The following XKR4 variants were observed in gnomAD, a reference collection of about 807,000 sequenced individuals.
XKR4 encodes XK related 4.
In XKR4, 12 loss-of-function variants were observed where a neutral mutation model predicts 53.9. The observed-to-expected ratio is 0.22, with a 90% CI of 0.14 to 0.36. XKR4 has a LOEUF of 0.36. Ranked by LOEUF, XKR4 falls within the 10% of genes least tolerant of loss-of-function variation. The pLI is 1.00. For synonymous variants in XKR4, 354 were observed against 362.4 expected, an observed-to-expected ratio of 0.98 and a Z score of 0.26; for missense variants, 799 against 859.5, an observed-to-expected ratio of 0.93 and a Z score of 0.88.
chr8:55,525,668 C>A lies in XKR4; in HGVS notation c.*1441C>A, dbSNP rs919441633. On this transcript the variant is annotated 3_prime_UTR_variant, in exon 3 of 3. Coordinates refer to ENST00000327381, the MANE Select transcript of XKR4 (RefSeq NM_052898.2). ...CGTTGCATTAAAAGTGCCGGTCAAACTTTGATAGTATTTTTTTATAGTTGG... is the reference window on the plus strand; with the variant it reads ...CGTTGCATTAAAAGTGCCGGTCAAAATTTGATAGTATTTTTTTATAGTTGG... The A allele has an allele frequency of 6.6e-6, 1 of 152,510 alleles. No homozygotes were observed. The highest frequency in any genetic ancestry group is 2.4e-5 in the African/African-American group (1 of 41,404). 9.4% of individuals were successfully genotyped at this position (152,510 alleles called of 1,614,324 possible). A position where few individuals can be genotyped will look rare whatever the true frequency, so the allele number is the denominator to read the frequency against.
intron 2 of XKR4, among the ~76,000 whole-genome samples, chr8:55,424,905 G>A (rs1479403680): frequency 6.6e-6 from 1 of 152,152 alleles, no homozygotes; most frequent in Non-Finnish European, 1.5e-5. Flanking sequence ...TTGGCCTCTG[G>A]CATAGAGTTT....
At chr8:55,372,486 C>A (rs1027321048) in intron 2 of XKR4, among the ~76,000 whole-genome samples, 1 of 151,200 alleles carries the variant, frequency 6.6e-6, no homozygotes, top group Non-Finnish European at 1.5e-5. Flanking sequence ...AAAGGAAAGA[C>A]GGGTAAGGTC....
chr8:55,157,288 T>C (rs889151002), intron 1 of XKR4, among the ~76,000 whole-genome samples: 66 of 152,316 alleles, frequency 4.3e-4, no homozygotes, highest in African/African-American at 1.5e-3. Flanking sequence ...ATTGTAAAAT[T>C]GGAATAATGT....
chr8:55,246,228 G>T (rs1818284495), intron 1 of XKR4, among the ~76,000 whole-genome samples: 1 of 152,186 alleles, frequency 6.6e-6, no homozygotes, highest in Non-Finnish European at 1.5e-5. Context: ...AATCACAAGG[G>T]TCTGAAAGAG....
intron 1 of XKR4, among the ~76,000 whole-genome samples, chr8:55,155,099 T>C (rs1459627447): frequency 6.6e-6 from 1 of 152,138 alleles, no homozygotes; most frequent in Non-Finnish European, 1.5e-5. Flanking sequence ...TCTAGAGAAA[T>C]TGATTCAGAG....
chr8:55,373,139 A>G (rs1274585041), intron 2 of XKR4, among the ~76,000 whole-genome samples: 2 of 152,170 alleles, frequency 1.3e-5, no homozygotes, highest in African/African-American at 4.8e-5. Context: ...CAGAGACTAC[A>G]AGACTAACAA....
At chr8:55,308,427 T>A (rs968727137) in intron 1 of XKR4, among the ~76,000 whole-genome samples, 3 of 147,042 alleles carry the variant, frequency 2.0e-5, no homozygotes, top group African/African-American at 7.5e-5. Context: ...GGAGAGAGAG[T>A]GTGTGTGAAG....
At chr8:55,223,284 T>C (rs1817907980) in intron 1 of XKR4, among the ~76,000 whole-genome samples, 3 of 152,236 alleles carry the variant, frequency 2.0e-5, no homozygotes, top group Admixed American at 2.0e-4. Flanking sequence ...GATCTATAGA[T>C]GCCTCCCATG....
At position 55,103,177 on chromosome 8, in the gene XKR4, G is replaced by T; in HGVS notation, c.689G>T (p.Gly230Val). The T allele has an allele frequency of 6.2e-7, 1 of 1,614,026 alleles. No homozygotes were observed. The highest frequency in any genetic ancestry group is 8.5e-7 in the Non-Finnish European group (1 of 1,180,040). ...SKSNIAAANSGSNSSGATRAS... is the reference protein window; with the variant it reads ...SKSNIAAANSVSNSSGATRAS... ...AGCAACATCGCCGCGGCCAACAGCGGCAGCAACAGCAGCGGGGCTACCCGG... is the reference window on the plus strand; with the variant it reads ...AGCAACATCGCCGCGGCCAACAGCGTCAGCAACAGCAGCGGGGCTACCCGG... Residue 230 changes from glycine (G) to valine (V), a missense_variant, in exon 1 of 3, where the codon GGC becomes GTC. Gly to Val is a moderately radical substitution (Grantham distance 109). This residue lies in a region of XKR4 where 476 missense variants were observed against 505.4 expected (regional missense o/e 0.94). Coordinates refer to ENST00000327381, the MANE Select transcript of XKR4 (RefSeq NM_052898.2).
At chr8:55,141,657 C>G (rs930979190) in intron 1 of XKR4, among the ~76,000 whole-genome samples, 1 of 147,350 alleles carries the variant, frequency 6.8e-6, no homozygotes, top group African/African-American at 2.5e-5. Flanking sequence ...CTCTCTCTCT[C>G]TCTCTCTCTC....
chr8:55,325,319 G>T (rs1165391694), intron 1 of XKR4, among the ~76,000 whole-genome samples: 2 of 152,024 alleles, frequency 1.3e-5, no homozygotes, highest in Non-Finnish European at 2.9e-5. Flanking sequence ...TTAATGGATT[G>T]GGCTTAATTA....
intron 2 of XKR4, among the ~76,000 whole-genome samples, chr8:55,468,534 T>C (rs939373937): frequency 6.6e-6 from 1 of 152,198 alleles, no homozygotes; most frequent in African/African-American, 2.4e-5. Flanking sequence ...GTATGCCTTT[T>C]AGGCAAGATC....
chr8:55,454,753 C>T (rs1046272299), intron 2 of XKR4: 48 of 784,412 alleles, frequency 6.1e-5, no homozygotes, highest in Middle Eastern at 2.3e-4. Context: ...ATGGTCAAGT[C>T]GCGACACAGG....
At chr8:55,522,756 C>G (rs1453382187) in intron 2 of XKR4, among the ~76,000 whole-genome samples, 1 of 152,082 alleles carries the variant, frequency 6.6e-6, no homozygotes, top group Non-Finnish European at 1.5e-5. Flanking sequence ...GGTTATTTTC[C>G]CACTTCACAA....
At chr8:55,151,915 A>C (rs1313353652) in intron 1 of XKR4, among the ~76,000 whole-genome samples, 1 of 152,204 alleles carries the variant, frequency 6.6e-6, no homozygotes, top group Non-Finnish European at 1.5e-5. Flanking sequence ...CTTTACTGTC[A>C]AAATACAATG....
At chr8:55,127,565 C>CTT (rs35320407) in intron 1 of XKR4, among the ~76,000 whole-genome samples, 76,456 of 145,154 alleles carry the variant, frequency 0.53, 21,329 homozygotes, top group South Asian at 0.71. Context: ...GTGCCTAACT[C>CTT]TTTTTTTTTT....
intron 2 of XKR4, among the ~76,000 whole-genome samples, chr8:55,442,862 T>C (rs1040773462): frequency 2.0e-5 from 3 of 152,182 alleles, no homozygotes; most frequent in Middle Eastern, 3.2e-3. Context: ...ATGTGGTTTT[T>C]TTTGCAGGGG....
At chr8:55,405,471 C>T (rs1348501215) in intron 2 of XKR4, among the ~76,000 whole-genome samples, 1 of 152,216 alleles carries the variant, frequency 6.6e-6, no homozygotes. Flanking sequence ...CCGAGAGACG[C>T]AGCAGGTCAA....
rs548289559 is a variant in XKR4 at position 55,243,050 on chromosome 8, A to G, written c.807-114628A>G. 3.0e-4 allele frequency among the ~76,000 whole-genome samples: 46 copies of G among 152,252 alleles called. No individual in the cohort carries two copies. In the Middle Eastern group the frequency reaches 0.014, roughly 45 times the overall value. On this transcript the variant is annotated intron_variant, in intron 1 of 2. Coordinates refer to ENST00000327381, the MANE Select transcript of XKR4 (RefSeq NM_052898.2). The stretch of plus-strand genomic sequence containing the variant: ...TACATTTATTTTTTAGAGCAGTTTT[A>G]TGTTCACAGCAAAATTGAAGAGCAA...
Sources: allele counts gnomAD v4.1 joint callset (sites outside exome capture counted in the v4.1 genomes callset), GRCh38; gene constraint gnomAD v4.1.1; regional missense constraint gnomAD v4.1.1; transcripts MANE v1.5; gene names NCBI Gene and HGNC (gene_info 2026-07-23, HGNC 2026-07-21).